The following HABP4 variants were observed in gnomAD, a reference collection of about 807,000 sequenced individuals.
HABP4 encodes intracellular hyaluronan-binding protein 4.
A neutral mutation model predicts 44.1 loss-of-function variants in HABP4; 32 were observed. The observed-to-expected ratio is 0.73, with a 90% CI of 0.55 to 0.97. HABP4 has a LOEUF of 0.97. HABP4 is among the 50% of genes least tolerant of loss of function. HABP4 has a pLI of 0.00. For missense variants in HABP4, 503 were observed against 561.9 expected (o/e 0.90, Z 1.06); for synonymous variants, 216 against 218.0 (o/e 0.99, Z 0.08).
At chr9:96,458,250 C>T (rs1328796057) in intron 1 of HABP4, 129 bp from the exon 2 acceptor site, 26 of 970,018 alleles carry the variant, frequency 2.7e-5, no homozygotes, top group Non-Finnish European at 3.6e-5. Context: ...TTGAAGTTTT[C>T]TAAACTTCCT....
chr9:96,466,357 G>C (rs147775529), intron 4 of HABP4, among the ~76,000 whole-genome samples: 7 of 152,038 alleles, frequency 4.6e-5, no homozygotes, highest in African/African-American at 1.7e-4. Flanking sequence ...GTGACAGAGC[G>C]AGACACAGCA....
rs554659524 is a variant in HABP4, at chr9:96,457,118, G to C, written c.350-1261G>C. ...AGAGGAAAAGACCAGAGTCTCGGCC[G>C]GGCACGGTGGCTCACGCCTGTAATC... On this transcript the variant is annotated intron_variant, in intron 1 of 7. Transcript: ENST00000375249. Among the ~76,000 whole-genome samples the C allele has an allele frequency of 9.2e-5, 14 of 151,822 alleles. No individual in the cohort carries two copies. In the East Asian group the frequency reaches 2.7e-3, roughly 30 times the overall value.
intron 5 of HABP4, chr9:96,483,820 T>G (rs148028464): frequency 3.2e-4 from 49 of 152,344 alleles, no homozygotes; most frequent in African/African-American, 1.2e-3. Context: ...CTTGTATTTA[T>G]GGTGTGAGGT....
At chr9:96,487,695 C>CT (rs11432941) in intron 6 of HABP4, among the ~76,000 whole-genome samples, 35,299 of 152,006 alleles carry the variant, frequency 0.23, 5,105 homozygotes, top group African/African-American at 0.41. Context: ...GAAATGAAAA[C>CT]TTTTTTATCT....
intron 6 of HABP4, among the ~76,000 whole-genome samples, chr9:96,485,982 C>T (rs1044503378): frequency 1.3e-5 from 2 of 152,062 alleles, no homozygotes; most frequent in Non-Finnish European, 2.9e-5. Context: ...CACCTGAGGT[C>T]AGGAGTTCGA....
chr9:96,466,841 G>A (rs1832609188), intron 4 of HABP4, among the ~76,000 whole-genome samples: 1 of 152,126 alleles, frequency 6.6e-6, no homozygotes, highest in South Asian at 2.1e-4. Context: ...AGTGTGAGCA[G>A]TGCTACAGGG....
At chr9:96,458,716 G>A (rs189518415) in intron 2 of HABP4, among the ~76,000 whole-genome samples, 175 bp downstream of exon 2, 196 of 150,724 alleles carry the variant, frequency 1.3e-3, no homozygotes, top group Admixed American at 2.0e-3. Flanking sequence ...CTCCGCTCCC[G>A]GGTTCAAGCA....
intron 1 of HABP4, among the ~76,000 whole-genome samples, chr9:96,452,319 A>T (rs1832298546): frequency 6.6e-6 from 1 of 152,082 alleles, no homozygotes; most frequent in African/African-American, 2.4e-5. Context: ...TAAAATTGTC[A>T]TGCATTTTTG....
chr9:96,464,478 T>A (rs1428711656), intron 2 of HABP4, among the ~76,000 whole-genome samples: 1 of 152,210 alleles, frequency 6.6e-6, no homozygotes, highest in Admixed American at 6.5e-5. Flanking sequence ...GACAAGTGGT[T>A]AGGCACGAGA....
intron 1 of HABP4, among the ~76,000 whole-genome samples, chr9:96,457,497 C>T (rs7857261): frequency 0.3 from 45,735 of 152,214 alleles, 8,984 homozygotes; most frequent in African/African-American, 0.57. Flanking sequence ...GAAGTTATAA[C>T]TGCAAGTCTA....
chr9:96,485,569 C>T (rs900209320), intron 6 of HABP4, among the ~76,000 whole-genome samples: 9 of 152,308 alleles, frequency 5.9e-5, no homozygotes, highest in South Asian at 2.1e-4. Flanking sequence ...TTATTGCTCA[C>T]GGCTTACGTC....
At chr9:96,453,941 T>C (rs1832330369) in intron 1 of HABP4, among the ~76,000 whole-genome samples, 1 of 152,162 alleles carries the variant, frequency 6.6e-6, no homozygotes, top group African/African-American at 2.4e-5. Flanking sequence ...GAACGAGATG[T>C]TTGCCCAAAA....
intron 4 of HABP4, among the ~76,000 whole-genome samples, chr9:96,466,531 T>A (rs1832604170): frequency 6.6e-6 from 1 of 152,174 alleles, no homozygotes; most frequent in African/African-American, 2.4e-5. Context: ...CTACCACATC[T>A]GGCCTAAAAT....
intron 5 of HABP4, among the ~76,000 whole-genome samples, chr9:96,474,026 G>A (rs954590436): frequency 1.3e-5 from 2 of 152,026 alleles, no homozygotes; most frequent in African/African-American, 4.8e-5. Flanking sequence ...TAAAGATTTT[G>A]TGTGTGTGCG....
Position 96,450,289 on chromosome 9 carries a change from G to T in HABP4, c.10G>T (p.Ala4Ser). 2 of 1,456,964 alleles carry T rather than the reference G, an allele frequency of 1.4e-6. No homozygotes were observed. Among genetic ancestry groups the T allele is most frequent in the Non-Finnish European group, 1.8e-6 (2 of 1,095,750 alleles). 90.3% of individuals were successfully genotyped at this position (1,456,964 alleles called of 1,614,324 possible). Residue 4 changes from alanine (A) to serine (S), a missense_variant, in exon 1 of 8, where the codon GCT becomes TCT. Physicochemically the swap from Ala to Ser is moderately conservative, Grantham distance 99 (BLOSUM62 1). Transcript: ENST00000375249. The surrounding 1 kb of genome is among the most constrained non-coding windows in gnomAD (Gnocchi z 4.8). MKG[A>S]LGSPVAAAGA... is the part of the protein sequence containing the mutation. ...CAGTGGTCGCGGCGGCATGAAGGGC[G>T]CTCTGGGGAGTCCCGTGGCTGCCGC...
intron 5 of HABP4, among the ~76,000 whole-genome samples, chr9:96,480,703 A>G (rs2131152901): frequency 6.6e-6 from 1 of 152,328 alleles, no homozygotes; most frequent in African/African-American, 2.4e-5. Context: ...TAGAATTAAT[A>G]TTTGTTTACA....
At chr9:96,475,123 T>A (rs773797326) in intron 5 of HABP4, among the ~76,000 whole-genome samples, 25 of 152,154 alleles carry the variant, frequency 1.6e-4, no homozygotes, top group Middle Eastern at 3.2e-3. Flanking sequence ...ACACCTGTAA[T>A]CCCAGCACTT....
chr9:96,478,338 G>A (rs1442565049), intron 5 of HABP4, among the ~76,000 whole-genome samples: 2 of 152,030 alleles, frequency 1.3e-5, no homozygotes, highest in Non-Finnish European at 2.9e-5. Flanking sequence ...TCACCATGTT[G>A]GCCAGGCTGG....
At chr9:96,482,569 GT>G (rs1564168653) in intron 5 of HABP4, among the ~76,000 whole-genome samples, 1 of 152,124 alleles carries the variant, frequency 6.6e-6, no homozygotes, top group Non-Finnish European at 1.5e-5. Flanking sequence ...CATTCAGAGT[GT>G]TATGCAACCA....
Sources: allele counts gnomAD v4.1 joint callset (sites outside exome capture counted in the v4.1 genomes callset), GRCh38; gene constraint gnomAD v4.1.1; non-coding constraint Gnocchi (gnomAD v3.1); transcripts MANE v1.5; gene names NCBI Gene and HGNC (gene_info 2026-07-23, HGNC 2026-07-21).